The following ING3 variants were observed in gnomAD, a reference collection of about 807,000 sequenced individuals.
ING3 encodes inhibitor of growth family member 3, also known as inhibitor of growth protein 3.
A neutral mutation model predicts 64.8 loss-of-function variants in ING3; 6 were observed. That is an observed-to-expected ratio of 0.09 (90% CI 0.05 to 0.18). The LOEUF is 0.18. Ranked by LOEUF, ING3 falls within the 10% of genes least tolerant of loss-of-function variation. The pLI, the probability that ING3 is intolerant of heterozygous loss-of-function variation, is 1.00. For synonymous variants in ING3, 170 were observed against 173.7 expected, an observed-to-expected ratio of 0.98 and a Z score of 0.17; for missense variants, 310 against 489.7, an observed-to-expected ratio of 0.63 and a Z score of 3.46.
At position 120,975,605 on chromosome 7, in the gene ING3, A is replaced by G. The variant is rs1796125184; in HGVS notation, c.*761A>G. ...ATGTGTTTATTTTTTTGTGCAAGTA[A>G]TCCTTAAAATTGCAATTGTATTAGG... On this transcript the variant is annotated 3_prime_UTR_variant, in exon 12 of 12. Coordinates refer to ENST00000315870, the MANE Select transcript of ING3 (RefSeq NM_019071.3). 1 of 152,150 alleles carries G rather than the reference A, an allele frequency of 6.6e-6. No homozygotes were observed. The highest frequency in any genetic ancestry group is 1.5e-5 in the Non-Finnish European group (1 of 68,018). The allele number at this position is 152,150 out of a possible 1,614,324, so 9.4% of individuals were successfully genotyped here.
At chr7:120,957,386 A>G (rs374865724) in intron 4 of ING3, among the ~76,000 whole-genome samples, 8 of 152,108 alleles carry the variant, frequency 5.3e-5, no homozygotes, top group African/African-American at 1.9e-4. Context: ...AAAAAAAAAA[A>G]AGTAATACTA....
At chr7:120,956,203 T>C (rs1010519672) in intron 4 of ING3, 1 of 1,606,988 alleles carries the variant, frequency 6.2e-7, no homozygotes, top group Non-Finnish European at 8.5e-7. Flanking sequence ...ATAGATAGAA[T>C]ATTCACTATT....
At chr7:120,961,250 T>C (rs767749068) in intron 4 of ING3, among the ~76,000 whole-genome samples, 1 of 152,218 alleles carries the variant, frequency 6.6e-6, no homozygotes, top group Non-Finnish European at 1.5e-5. Flanking sequence ...TTTAGAGATA[T>C]AAAGAATCAT....
In ING3 at chr7:120,964,788, A is replaced by G. The variant is rs1316215369; in HGVS notation, c.314A>G (p.Lys105Arg). 1.2e-6 allele frequency: 2 copies of G among 1,613,582 alleles called. No homozygotes were observed. Among genetic ancestry groups the G allele is most frequent in the African/African-American group, 2.7e-5 (2 of 74,912 alleles). Residue 105 changes from lysine (K) to arginine (R), a missense_variant, in exon 5 of 12, where the codon AAA becomes AGA. Lys to Arg is a conservative substitution (Grantham distance 26). This residue lies in a region of ING3 where 233 missense variants were observed against 289.4 expected (regional missense o/e 0.81). Transcript: ENST00000315870. ...RKLDQELAKF[K>R]MELEADNAGI... is the part of the protein sequence containing the mutation. ...CTGGATCAGGAACTGGCTAAGTTTA[A>G]AATGGAGCTGGAAGCTGATAATGCT... is the stretch of plus-strand genomic sequence containing the variant.
chr7:120,971,884 C>G (rs143853729), intron 10 of ING3, among the ~76,000 whole-genome samples: 1 of 151,908 alleles, frequency 6.6e-6, no homozygotes, highest in Non-Finnish European at 1.5e-5. Flanking sequence ...ATAAACATAC[C>G]GGTTTACTAA....
At chr7:120,963,679 G>C (rs986527950) in intron 4 of ING3, among the ~76,000 whole-genome samples, 3 of 152,138 alleles carry the variant, frequency 2.0e-5, no homozygotes, top group African/African-American at 7.2e-5. Flanking sequence ...TAGGTCATCT[G>C]ATGCGTCAAG....
At chr7:120,964,880 A>G in intron 5 of ING3, 42 bp downstream of exon 5, 1 of 1,483,370 alleles carries the variant, frequency 6.7e-7, no homozygotes, top group Non-Finnish European at 9.4e-7. Flanking sequence ...TGGACAGTAC[A>G]TGTGCAAATC....
At chr7:120,958,895 A>T (rs1795889623) in intron 4 of ING3, among the ~76,000 whole-genome samples, 1 of 152,178 alleles carries the variant, frequency 6.6e-6, no homozygotes, top group South Asian at 2.1e-4. Context: ...CCTTCAATTT[A>T]TTCCTAAATT....
chr7:120,967,821 G>A (rs1022550243), intron 7 of ING3, 113 bp from the exon 8 acceptor site: 1 of 1,265,196 alleles, frequency 7.9e-7, no homozygotes, highest in Admixed American at 2.2e-5. Flanking sequence ...TAATGTACAA[G>A]TGACATTAAA....
Position 120,970,844 on chromosome 7 carries a change from C to T in ING3, c.1065C>T (p.Tyr355=), listed in dbSNP as rs533525322. 5.7e-5 allele frequency: 91 copies of T among 1,610,360 alleles called. No individual in the cohort carries two copies. In the East Asian group the frequency reaches 1.6e-3, roughly 28 times the overall value. Residue 355 remains tyrosine, a synonymous_variant, in exon 10 of 12, where the codon TAC becomes TAT. Transcript: ENST00000315870. ...CAAATAGTCAGGTTGATTGGACTTA[C>T]GACCCAAATGAACCTCGATACTGCA... The part of the protein sequence containing the change: ...SDSNSQVDWT[Y]DPNEPRYCIC...
intron 11 of ING3, among the ~76,000 whole-genome samples, chr7:120,973,724 G>C (rs971795832): frequency 1.3e-5 from 2 of 152,060 alleles, no homozygotes; most frequent in Non-Finnish European, 2.9e-5. Context: ...AGCCACCCCT[G>C]ATCTAAAAAG....
In ING3 at chr7:120,974,864, T is replaced by A; in HGVS notation, c.*20T>A. On this transcript the variant is annotated 3_prime_UTR_variant, in exon 12 of 12. Coordinates refer to ENST00000315870, the MANE Select transcript of ING3 (RefSeq NM_019071.3). ...AAATAAAGGTGGTCCTTTTGTTTGA[T>A]GAAGAAATAAACTTCAGCTGAAGAT... 1 of 1,530,846 alleles carries A rather than the reference T, an allele frequency of 6.5e-7. No individual in the cohort carries two copies. Among genetic ancestry groups the A allele is most frequent in the Non-Finnish European group, 9.0e-7 (1 of 1,113,794 alleles). The allele number at this position is 1,530,846 out of a possible 1,614,324, so 94.8% of individuals were successfully genotyped here. A position where few individuals can be genotyped will look rare whatever the true frequency, so the allele number is the denominator to read the frequency against.
chr7:120,959,534 C>A lies in ING3; in HGVS notation c.267+3910C>A, dbSNP rs186752273. 5.2e-3 allele frequency among the ~76,000 whole-genome samples: 789 copies of A among 151,038 alleles called. 14 individuals carry two copies. Among genetic ancestry groups the A allele is most frequent in the Non-Finnish European group, 3.1e-3 (212 of 67,764 alleles). On this transcript the variant is annotated intron_variant, in intron 4 of 11. Coordinates refer to ENST00000315870, the MANE Select transcript of ING3 (RefSeq NM_019071.3). ...CTACCCTCCCCTGCCCCATCACCAA[C>A]TTTTTGTTTCTAAATCTCACATGAA...
At chr7:120,963,002 T>A (rs576832084) in intron 4 of ING3, among the ~76,000 whole-genome samples, 1 of 152,262 alleles carries the variant, frequency 6.6e-6, no homozygotes, top group African/African-American at 2.4e-5. Flanking sequence ...ACGTAATAGC[T>A]CAATATTTAT....
Position 120,977,148 on chromosome 7 carries a change from A to G in ING3, c.*2304A>G, listed in dbSNP as rs1796144203. 6.6e-6 allele frequency: 1 copy of G among 152,240 alleles called. No individual in the cohort carries two copies. The highest frequency in any genetic ancestry group is 2.1e-4 in the South Asian group (1 of 4,834). 9.4% of individuals were successfully genotyped at this position (152,240 alleles called of 1,614,324 possible). ...TGGTGAAAATTGAGGCCTTACTGCTATGGAGTGTATATCAAAATGTTCATG... is the reference window on the plus strand; with the variant it reads ...TGGTGAAAATTGAGGCCTTACTGCTGTGGAGTGTATATCAAAATGTTCATG... On this transcript the variant is annotated 3_prime_UTR_variant, in exon 12 of 12. Coordinates refer to ENST00000315870, the MANE Select transcript of ING3 (RefSeq NM_019071.3).
At chr7:120,967,041 G>A (rs1264471668) in intron 6 of ING3, among the ~76,000 whole-genome samples, 1 of 152,068 alleles carries the variant, frequency 6.6e-6, no homozygotes, top group African/African-American at 2.4e-5. Flanking sequence ...TTTGTAATAG[G>A]CCCTTTGTCT....
chr7:120,967,464 A>G, intron 6 of ING3, 65 bp from the exon 7 acceptor site: 1 of 1,166,786 alleles, frequency 8.6e-7, no homozygotes, highest in Non-Finnish European at 1.2e-6. Flanking sequence ...ACTGGATATA[A>G]GTATTATGCC....
In ING3 at chr7:120,955,976, T is replaced by G. The variant is rs184199568; in HGVS notation, c.267+352T>G. On this transcript the variant is annotated intron_variant, in intron 4 of 11. Coordinates refer to ENST00000315870, the MANE Select transcript of ING3 (RefSeq NM_019071.3). ...CCTTATACATCATTTTGAGATTGTT[T>G]CTGTGGTAAAATACACCTAAGAAGA... The G allele has an allele frequency of 3.7e-5, 22 of 589,950 alleles. No homozygotes were observed. In the Admixed American group the frequency reaches 4.9e-4, roughly 13 times the overall value. 36.5% of individuals were successfully genotyped at this position (589,950 alleles called of 1,614,324 possible).
At chr7:120,960,813 A>G (rs530335928) in intron 4 of ING3, among the ~76,000 whole-genome samples, 17 of 152,318 alleles carry the variant, frequency 1.1e-4, no homozygotes. Context: ...TAGAAGCATG[A>G]TACTCATAAA....
Sources: gnomAD v4.1 joint callset for allele counts (sites outside exome capture counted in the v4.1 genomes callset) on GRCh38, gnomAD v4.1.1 for gene constraint, gnomAD v4.1.1 regional missense constraint, MANE v1.5 for transcripts, NCBI Gene and HGNC (gene_info 2026-07-23, HGNC 2026-07-21) for gene names.